TCP11L2: variants seen among roughly 807,000 people sequenced by gnomAD.
TCP11L2 encodes the protein T-complex protein 11-like protein 2.
In TCP11L2, 39 loss-of-function variants were observed where a neutral mutation model predicts 50.7. The ratio of observed to expected loss-of-function variants is 0.77; its 90% CI spans 0.60 to 1.01. The LOEUF is 1.01. Ranked by LOEUF, TCP11L2 falls within the 50% of genes least tolerant of loss-of-function variation. The pLI, the probability that TCP11L2 is intolerant of heterozygous loss-of-function variation, is 0.00. For synonymous variants in TCP11L2, 192 were observed against 219.3 expected, an observed-to-expected ratio of 0.88 and a Z score of 1.10; for missense variants, 612 against 614.7, an observed-to-expected ratio of 1.00 and a Z score of 0.05.
At chr12:106,321,185 C>G (rs2035321383) in intron 4 of TCP11L2, among the ~76,000 whole-genome samples, 2 of 152,154 alleles carry the variant, frequency 1.3e-5, no homozygotes, top group African/African-American at 4.8e-5. Flanking sequence ...AACCTGTCAG[C>G]AATATTAAGT....
intron 5 of TCP11L2, among the ~76,000 whole-genome samples, chr12:106,322,095 T>C (rs2035360809): frequency 6.6e-6 from 1 of 152,178 alleles, no homozygotes; most frequent in Admixed American, 6.5e-5. Flanking sequence ...TCTTTATTAG[T>C]TAGGGTCACT....
chr12:106,314,636 T>C (rs1022923604), intron 3 of TCP11L2, 143 bp downstream of exon 3: 2 of 720,566 alleles, frequency 2.8e-6, no homozygotes, highest in Non-Finnish European at 4.4e-6. Flanking sequence ...TTACACTGAT[T>C]CCTGGAAGTT....
At chr12:106,327,907 T>G (rs1219985541) in intron 6 of TCP11L2, among the ~76,000 whole-genome samples, 1 of 152,204 alleles carries the variant, frequency 6.6e-6, no homozygotes, top group Non-Finnish European at 1.5e-5. Flanking sequence ...ACTAAGTAAG[T>G]AGCAACAAGA....
At chr12:106,337,855 C>T (rs2035970076) in intron 8 of TCP11L2, among the ~76,000 whole-genome samples, 1 of 152,132 alleles carries the variant, frequency 6.6e-6, no homozygotes, top group Admixed American at 6.5e-5. Flanking sequence ...TTAAATCATC[C>T]TCTTTATAAT....
At chr12:106,308,103 A>C (rs1452505600) in intron 1 of TCP11L2, among the ~76,000 whole-genome samples, 6 of 152,202 alleles carry the variant, frequency 3.9e-5, no homozygotes, top group African/African-American at 1.4e-4. Flanking sequence ...GAAGCTTTTA[A>C]ATTTTCCATT....
Position 106,346,577 on chromosome 12 carries a change from A to G in TCP11L2, c.*47A>G, listed in dbSNP as rs2036241354. On this transcript the variant is annotated 3_prime_UTR_variant, in exon 10 of 10. Coordinates refer to ENST00000299045, the MANE Select transcript of TCP11L2 (RefSeq NM_152772.3). ...GAGATTGGAAATCCAGTACTTTGGT[A>G]TCCAGTCCACTTCCATTGATGGCAT... 1.9e-6 allele frequency: 3 copies of G among 1,575,262 alleles called. No individual in the cohort carries two copies. The highest frequency in any genetic ancestry group is 2.3e-5 in the South Asian group (2 of 85,828).
intron 5 of TCP11L2, among the ~76,000 whole-genome samples, chr12:106,323,116 C>G (rs1175800758): frequency 6.6e-6 from 1 of 152,188 alleles, no homozygotes; most frequent in Non-Finnish European, 1.5e-5. Context: ...ATGAGGCTGC[C>G]TAACTCTAAA....
chr12:106,299,838 A>C (rs1224488654), upstream of TCP11L2, among the ~76,000 whole-genome samples: 1 of 152,242 alleles, frequency 6.6e-6, no homozygotes, highest in Non-Finnish European at 1.5e-5. Context: ...TATAAGGCTG[A>C]GAGGTTGCAA....
At chr12:106,311,980 T>A (rs1193956866) in intron 2 of TCP11L2, among the ~76,000 whole-genome samples, 3 of 152,196 alleles carry the variant, frequency 2.0e-5, no homozygotes, top group Non-Finnish European at 4.4e-5. Context: ...ACATTCTCAT[T>A]TTTTAAAACT....
At chr12:106,310,739 A>G (rs2034820552) in intron 1 of TCP11L2, among the ~76,000 whole-genome samples, 1 of 152,212 alleles carries the variant, frequency 6.6e-6, no homozygotes. Flanking sequence ...CCAGGAGGAG[A>G]GAGCATGTGT....
At chr12:106,297,944 G>C (rs1431534710), upstream of TCP11L2, among the ~76,000 whole-genome samples, 1 of 152,166 alleles carries the variant, frequency 6.6e-6, no homozygotes, top group Non-Finnish European at 1.5e-5. Flanking sequence ...CACTCTTTCT[G>C]CTTCCCAGGG....
chr12:106,341,041 TA>T, intron 9 of TCP11L2, 43 bp downstream of exon 9: 3 of 1,541,232 alleles, frequency 1.9e-6, no homozygotes, highest in Non-Finnish European at 2.6e-6. Flanking sequence ...CAATTTGCTT[TA>T]ACTTGCTGAT....
intron 9 of TCP11L2, 110 bp from the exon 10 acceptor site, chr12:106,346,176 A>C: frequency 8.5e-7 from 1 of 1,174,104 alleles, no homozygotes; most frequent in Non-Finnish European, 1.2e-6. Context: ...GGGAGGGGTA[A>C]AGAATTGGGA....
At chr12:106,331,703 G>C (rs1042145594) in intron 6 of TCP11L2, among the ~76,000 whole-genome samples, 2 of 152,172 alleles carry the variant, frequency 1.3e-5, no homozygotes, top group African/African-American at 2.4e-5. Flanking sequence ...AAGACATACA[G>C]CTAATGAGTG....
chr12:106,330,645 C>T (rs1247800775), intron 6 of TCP11L2, among the ~76,000 whole-genome samples: 2 of 152,144 alleles, frequency 1.3e-5, no homozygotes, highest in Non-Finnish European at 2.9e-5. Flanking sequence ...AAAATTTGGG[C>T]TTCAATAAGC....
rs2036236491 is a variant in TCP11L2, at chr12:106,346,457, C to T, written c.1487C>T (p.Ala496Val). The change falls in exon 10 of 10, where the codon GCA becomes GTA. Residue 496 changes from alanine (A) to valine (V), a missense_variant. Coordinates refer to ENST00000299045, the MANE Select transcript of TCP11L2 (RefSeq NM_152772.3). Reference protein sequence around the residue: ...LNKQVYGPFYANILRKLLFNE... With the variant: ...LNKQVYGPFYVNILRKLLFNE... Reference sequence around the variant, plus strand: ...AAACAAGTGTATGGACCATTTTATGCAAATATACTTCGAAAGCTGCTCTTC... The same window carrying T: ...AAACAAGTGTATGGACCATTTTATGTAAATATACTTCGAAAGCTGCTCTTC... The T allele has an allele frequency of 1.2e-6, 2 of 1,614,004 alleles. No homozygotes were observed. The highest frequency in any genetic ancestry group is 1.7e-6 in the Non-Finnish European group (2 of 1,180,016).
intron 2 of TCP11L2, among the ~76,000 whole-genome samples, chr12:106,313,616 A>AATAT (rs1269999900): frequency 1.6e-4 from 24 of 150,946 alleles, no homozygotes; most frequent in African/African-American, 5.8e-4. Context: ...TAAATAAATA[A>AATAT]ATATTACGGT....
At chr12:106,309,283 T>G (rs1221705914) in intron 1 of TCP11L2, among the ~76,000 whole-genome samples, 2 of 152,052 alleles carry the variant, frequency 1.3e-5, no homozygotes, top group African/African-American at 2.4e-5. Flanking sequence ...TCTTCATGAG[T>G]TAGAGGAGGC....
upstream of TCP11L2, among the ~76,000 whole-genome samples, chr12:106,302,384 CAGCCCCCGCTCAG>C (rs2034444906): frequency 1.2e-5 from 1 of 86,890 alleles, no homozygotes; most frequent in African/African-American, 6.0e-5. Context: ...AGCCCCCGCT[CAGCCCCCGCTCAG>C]CCCCCGCTCA....
Sources: gnomAD v4.1 joint callset for allele counts (sites outside exome capture counted in the v4.1 genomes callset) on GRCh38, gnomAD v4.1.1 for gene constraint, MANE v1.5 for transcripts, NCBI Gene and HGNC (gene_info 2026-07-23, HGNC 2026-07-21) for gene names.